TENT5A: variants seen among roughly 807,000 people sequenced by gnomAD.
TENT5A encodes HBV X-transactivated gene 11 protein.
A neutral mutation model predicts 30.2 loss-of-function variants in TENT5A; 9 were observed. That is an observed-to-expected ratio of 0.30 (90% CI 0.18 to 0.52). The LOEUF is 0.52. Among genes scored for constraint, TENT5A ranks in the 20% least tolerant of loss-of-function variants. The probability of loss-of-function intolerance (pLI) is 0.97; values close to 1 mark genes in which losing one functional copy is unlikely to be tolerated. For missense variants in TENT5A, 411 were observed against 566.1 expected (o/e 0.73, Z 2.78); for synonymous variants, 264 against 234.2 (o/e 1.13, Z -1.16).
Position 81,747,560 on chromosome 6 carries a change from A to G in TENT5A, c.*2135T>C, listed in dbSNP as rs1768911614. ...ATTAACCTGGATTAACCTAGCACTA[A>G]GCATCTGAGGATCCCTAGATAAACA... On this transcript the variant is annotated 3_prime_UTR_variant, in exon 3 of 3. Transcript: ENST00000320172. The G allele has an allele frequency of 3.0e-6, 3 of 985,688 alleles. No homozygotes were observed. The highest frequency in any genetic ancestry group is 1.1e-4 in the East Asian group (1 of 8,816). 61.1% of individuals were successfully genotyped at this position (985,688 alleles called of 1,614,324 possible).
At position 81,750,599 on chromosome 6, in the gene TENT5A, C is replaced by T; in HGVS notation, c.553-128G>A. The T allele has an allele frequency of 1.6e-6, 1 of 615,254 alleles. No individual in the cohort carries two copies. Among genetic ancestry groups the T allele is most frequent in the East Asian group, 2.9e-5 (1 of 33,980 alleles). The allele number at this position is 615,254 out of a possible 1,614,324, so 38.1% of individuals were successfully genotyped here. On this transcript the variant is annotated intron_variant, in intron 2 of 2. Transcript: ENST00000320172. This position sits in a 1 kb window ranked among gnomAD's most constrained non-coding sequence, Gnocchi z 4.2. ...TTTGTTTTGTCAAGTTTCAGCCAAA[C>T]ACTACCTACAGGCTTAAACGGTCTT...
rs937667178 is a variant in TENT5A at position 81,748,016 on chromosome 6, T to C, written c.*1679A>G. Reference sequence around the variant, plus strand: ...ACAACCAGATCAAAGATGTTTCATATTGACATGATTTATAAAATGTTATAT... The same window carrying C: ...ACAACCAGATCAAAGATGTTTCATACTGACATGATTTATAAAATGTTATAT... On this transcript the variant is annotated 3_prime_UTR_variant, in exon 3 of 3. Coordinates refer to ENST00000320172, the MANE Select transcript of TENT5A (RefSeq NM_017633.3). 2.7e-5 allele frequency: 26 copies of C among 976,718 alleles called. No homozygotes were observed. Among genetic ancestry groups the C allele is most frequent in the Middle Eastern group, 5.2e-4 (1 of 1,916 alleles). 60.5% of individuals were successfully genotyped at this position (976,718 alleles called of 1,614,324 possible).
chr6:81,749,522 C>T lies in TENT5A; in HGVS notation c.*173G>A. Reference sequence around the variant, plus strand: ...AAGGATCCTTTCGAGATCATGCTCCCACATCTATTAAAAGATACATAAGCT... The same window carrying T: ...AAGGATCCTTTCGAGATCATGCTCCTACATCTATTAAAAGATACATAAGCT... On this transcript the variant is annotated 3_prime_UTR_variant, in exon 3 of 3. Transcript: ENST00000320172. 2 of 1,365,388 alleles carry T rather than the reference C, an allele frequency of 1.5e-6. No individual in the cohort carries two copies. The highest frequency in any genetic ancestry group is 2.0e-5 in the South Asian group (1 of 50,800). The allele number at this position is 1,365,388 out of a possible 1,614,324, so 84.6% of individuals were successfully genotyped here. A position where few individuals can be genotyped will look rare whatever the true frequency, so the allele number is the denominator to read the frequency against.
In TENT5A at chr6:81,751,651, C is replaced by T. The variant is rs1769036871; in HGVS notation, c.491G>A (p.Cys164Tyr). Residue 164 changes from cysteine (C) to tyrosine (Y), a missense_variant, in exon 2 of 3, where the codon TGC becomes TAC. By Grantham distance (194) the Cys-to-Tyr change is radical. Coordinates refer to ENST00000320172, the MANE Select transcript of TENT5A (RefSeq NM_017633.3). ...FQTVKDVVLD[C>Y]LLDFLPEGVN... ...CCCCTCGGGTAAGAAGTCCAACAGG[C>T]AGTCCAGCACGACGTCCTTCACAGT... The T allele has an allele frequency of 6.2e-7, 1 of 1,614,098 alleles. No individual in the cohort carries two copies. Among genetic ancestry groups the T allele is most frequent in the Non-Finnish European group, 8.5e-7 (1 of 1,180,006 alleles).
At position 81,750,169 on chromosome 6, in the gene TENT5A, T is replaced by C; in HGVS notation, c.855A>G (p.Pro285=). The C allele has an allele frequency of 6.2e-7, 1 of 1,614,092 alleles. No homozygotes were observed. The highest frequency in any genetic ancestry group is 8.5e-7 in the Non-Finnish European group (1 of 1,179,982). ...GCAGGCCTCCCCCTCGGATTTCCTCTGGGTTCCTGGTGGCAATGATCTTGT... is the reference window on the plus strand; with the variant it reads ...GCAGGCCTCCCCCTCGGATTTCCTCCGGGTTCCTGGTGGCAATGATCTTGT... The part of the protein sequence containing the change: ...LCNKIIATRN[P]EEIRGGGLLK... Residue 285 remains proline (P), a synonymous_variant, in exon 3 of 3, where the codon CCA becomes CCG. Coordinates refer to ENST00000320172, the MANE Select transcript of TENT5A (RefSeq NM_017633.3). This position sits in a 1 kb window ranked among gnomAD's most constrained non-coding sequence, Gnocchi z 4.2.
rs1440763084 is a variant in TENT5A at position 81,747,665 on chromosome 6, A to T, written c.*2030T>A. 7 of 985,702 alleles carry T rather than the reference A, an allele frequency of 7.1e-6. No individual in the cohort carries two copies. The East Asian group carries it at 7.9e-4, about 112-fold the overall frequency. 61.1% of individuals were successfully genotyped at this position (985,702 alleles called of 1,614,324 possible). On this transcript the variant is annotated 3_prime_UTR_variant, in exon 3 of 3. Transcript: ENST00000320172. ...TTTAACTGATGATGAAAATCTTCTA[A>T]TTGGGTCTTCGAGGAATTATCATAG... is the stretch of plus-strand genomic sequence containing the variant.
chr6:81,751,315 A>C (rs533562423), intron 2 of TENT5A, among the ~76,000 whole-genome samples: 1 of 152,322 alleles, frequency 6.6e-6, no homozygotes, highest in South Asian at 2.1e-4. Context: ...AGGGAAAGCC[A>C]AGAGTTAAAA....
intron 1 of TENT5A, 40 bp downstream of exon 1, chr6:81,752,391 T>C (rs1390022446): frequency 1.1e-5 from 17 of 1,548,658 alleles, no homozygotes; most frequent in Non-Finnish European, 1.4e-5. Context: ...GTATCTCTGA[T>C]GCATCTGGAA....
Position 81,751,890 on chromosome 6 carries a change from A to T in TENT5A, c.252T>A (p.Ile84=). The T allele has an allele frequency of 6.2e-7, 1 of 1,613,262 alleles. No individual in the cohort carries two copies. Among genetic ancestry groups the T allele is most frequent in the Non-Finnish European group, 8.5e-7 (1 of 1,179,922 alleles). ...GCGTGGGGAAGTTGCCGCGCCCGTG[A>T]ATCGGAATGGTCTCGCTCAGGATGC... is the stretch of plus-strand genomic sequence containing the variant. ...LDGILSETIP[I]HGRGNFPTLE... Residue 84 remains isoleucine, a synonymous_variant, in exon 2 of 3, where the codon ATT becomes ATA. Coordinates refer to ENST00000320172, the MANE Select transcript of TENT5A (RefSeq NM_017633.3).
rs147316162 is a variant in TENT5A, at chr6:81,751,776, G to C, written c.366C>G (p.Gly122=). ...GGTGCAGGACATGGCTGGCTGCCGAGCCGTTGAGGCGCACGTCGCGGACGC... is the reference window on the plus strand; with the variant it reads ...GGTGCAGGACATGGCTGGCTGCCGACCCGTTGAGGCGCACGTCGCGGACGC... ...RIGVRDVRLN[G]SAASHVLHQD... The change falls in exon 2 of 3, where the codon GGC becomes GGG. Residue 122 remains glycine (G), a synonymous_variant. Transcript: ENST00000320172. 6.2e-7 allele frequency: 1 copy of C among 1,613,222 alleles called. No individual in the cohort carries two copies. Among genetic ancestry groups the C allele is most frequent in the Non-Finnish European group, 8.5e-7 (1 of 1,179,930 alleles).
In TENT5A at chr6:81,746,654, G is replaced by GAC; in HGVS notation, c.*3040_*3041insGT. 1 of 1,231,410 alleles carries GAC rather than the reference G, an allele frequency of 8.1e-7. No homozygotes were observed. The highest frequency in any genetic ancestry group is 3.2e-5 in the East Asian group (1 of 31,686). The allele number at this position is 1,231,410 out of a possible 1,614,324, so 76.3% of individuals were successfully genotyped here. A position where few individuals can be genotyped will look rare whatever the true frequency, so the allele number is the denominator to read the frequency against. On this transcript the variant is annotated 3_prime_UTR_variant, in exon 3 of 3. Coordinates refer to ENST00000320172, the MANE Select transcript of TENT5A (RefSeq NM_017633.3). ...ACATGCCAGGCTGGACAGGTGAGAA[G>GAC]AGCCTCCAAAAGACAAAACTTCTTC...
At position 81,752,178 on chromosome 6, in the gene TENT5A, C is replaced by T. The variant is rs1484018417; in HGVS notation, c.-37G>A. ...CGAGCGCCACTTGGCCCTGGTCAGTCCTAAAAAGAAAGGGAAAGGAGCGCG... is the reference window on the plus strand; with the variant it reads ...CGAGCGCCACTTGGCCCTGGTCAGTTCTAAAAAGAAAGGGAAAGGAGCGCG... On this transcript the variant is annotated splice_region_variant and 5_prime_UTR_variant, in exon 2 of 3. Coordinates refer to ENST00000320172, the MANE Select transcript of TENT5A (RefSeq NM_017633.3). The T allele has an allele frequency of 6.7e-7, 1 of 1,501,476 alleles. No individual in the cohort carries two copies. Among genetic ancestry groups the T allele is most frequent in the South Asian group, 1.3e-5 (1 of 76,066 alleles). 93.0% of individuals were successfully genotyped at this position (1,501,476 alleles called of 1,614,324 possible).
At position 81,749,174 on chromosome 6, in the gene TENT5A, C is replaced by T; in HGVS notation, c.*521G>A. On this transcript the variant is annotated 3_prime_UTR_variant, in exon 3 of 3. Coordinates refer to ENST00000320172, the MANE Select transcript of TENT5A (RefSeq NM_017633.3). ...AAGATCATTCCACAGAAAGCACTTGCTACAAGCCTCAGACAGTAATCCCAA... is the reference window on the plus strand; with the variant it reads ...AAGATCATTCCACAGAAAGCACTTGTTACAAGCCTCAGACAGTAATCCCAA... 1.0e-6 allele frequency: 1 copy of T among 986,028 alleles called. No individual in the cohort carries two copies. Among genetic ancestry groups the T allele is most frequent in the South Asian group, 4.7e-5 (1 of 21,288 alleles). The allele number at this position is 986,028 out of a possible 1,614,324, so 61.1% of individuals were successfully genotyped here.
rs145742153 is a variant in TENT5A at position 81,751,092 on chromosome 6, C to A, written c.552+498G>T. Among the ~76,000 whole-genome samples the A allele has an allele frequency of 3.1e-3, 472 of 152,314 alleles. 1 individual carries two copies. Among genetic ancestry groups the A allele is most frequent in the Non-Finnish European group, 5.7e-3 (387 of 68,034 alleles). On this transcript the variant is annotated intron_variant, in intron 2 of 2. Transcript: ENST00000320172. Reference sequence around the variant, plus strand: ...TATACCCTTAACATATGAACCAGCACGAAGAACCACCAGATAGACCTTTAA... The same window carrying A: ...TATACCCTTAACATATGAACCAGCAAGAAGAACCACCAGATAGACCTTTAA...
rs1768967161 is a variant in TENT5A at position 81,748,938 on chromosome 6, C to G, written c.*757G>C. 1.0e-6 allele frequency: 1 copy of G among 984,678 alleles called. No individual in the cohort carries two copies. Among genetic ancestry groups the G allele is most frequent in the South Asian group, 4.7e-5 (1 of 21,280 alleles). The allele number at this position is 984,678 out of a possible 1,614,324, so 61.0% of individuals were successfully genotyped here. ...CTTCATATAGTCTACTATATCTCTT[C>G]TAATTGGGTATTTTTATCTGTTAAA... is the stretch of plus-strand genomic sequence containing the variant. On this transcript the variant is annotated 3_prime_UTR_variant, in exon 3 of 3. Transcript: ENST00000320172.
Position 81,750,417 on chromosome 6 carries a change from G to A in TENT5A, c.607C>T (p.Leu203Phe). ...KVCNDSDRWS[L>F]ISLSNNSGKN... Reference sequence around the variant, plus strand: ...CCACTGTTGTTTGACAGGGATATAAGACTCCATCGGTCAGAGTCATTGCAC... The same window carrying A: ...CCACTGTTGTTTGACAGGGATATAAAACTCCATCGGTCAGAGTCATTGCAC... Residue 203 changes from leucine (L) to phenylalanine (F), a missense_variant, in exon 3 of 3, where the codon CTT becomes TTT. By Grantham distance (22) the Leu-to-Phe change is conservative (BLOSUM62 0). Around this residue, in one of 5 missense-constraint regions of TENT5A, gnomAD observed 135 missense variants for 240.0 expected, o/e 0.56. Coordinates refer to ENST00000320172, the MANE Select transcript of TENT5A (RefSeq NM_017633.3). This position sits in a 1 kb window ranked among gnomAD's most constrained non-coding sequence, Gnocchi z 4.2. 1 of 1,606,500 alleles carries A rather than the reference G, an allele frequency of 6.2e-7. No individual in the cohort carries two copies. The highest frequency in any genetic ancestry group is 1.1e-5 in the South Asian group (1 of 89,410).
rs1247925404 is a variant in TENT5A at position 81,746,118 on chromosome 6, T to G, written c.*3577A>C. 2 of 979,586 alleles carry G rather than the reference T, an allele frequency of 2.0e-6. No homozygotes were observed. The highest frequency in any genetic ancestry group is 2.4e-6 in the Non-Finnish European group (2 of 823,530). 60.7% of individuals were successfully genotyped at this position (979,586 alleles called of 1,614,324 possible). The stretch of plus-strand genomic sequence containing the variant: ...AACAAAATATAACATAGAGATTCTT[T>G]CTTAGCACTGAAAATGCTATGCTAA... On this transcript the variant is annotated 3_prime_UTR_variant, in exon 3 of 3. Coordinates refer to ENST00000320172, the MANE Select transcript of TENT5A (RefSeq NM_017633.3).
In TENT5A at chr6:81,748,645, G is replaced by A. The variant is rs959249229; in HGVS notation, c.*1050C>T. 3 of 872,790 alleles carry A rather than the reference G, an allele frequency of 3.4e-6. No homozygotes were observed. Among genetic ancestry groups the A allele is most frequent in the African/African-American group, 1.8e-5 (1 of 54,940 alleles). 54.1% of individuals were successfully genotyped at this position (872,790 alleles called of 1,614,324 possible). On this transcript the variant is annotated 3_prime_UTR_variant, in exon 3 of 3. Transcript: ENST00000320172. The stretch of plus-strand genomic sequence containing the variant: ...TACATATAAAATGTATATATAAAAT[G>A]TATATATACACACACACATATAATT...
chr6:81,749,617 CTTTTT>C lies in TENT5A; in HGVS notation c.*73_*77del. The C allele has an allele frequency of 4.4e-6, 6 of 1,370,996 alleles. No homozygotes were observed. In the South Asian group the frequency reaches 4.7e-5, roughly 11 times the overall value. The allele number at this position is 1,370,996 out of a possible 1,614,324, so 84.9% of individuals were successfully genotyped here. A position where few individuals can be genotyped will look rare whatever the true frequency, so the allele number is the denominator to read the frequency against. The stretch of plus-strand genomic sequence containing the variant: ...CATCCCTAATAAGGGCTGGATCACT[CTTTTT>C]TTTTTCTTTTTTTTTTTTTTCTCTC... On this transcript the variant is annotated 3_prime_UTR_variant, in exon 3 of 3. Transcript: ENST00000320172.
Sources: allele counts gnomAD v4.1 joint callset (sites outside exome capture counted in the v4.1 genomes callset), GRCh38; gene constraint gnomAD v4.1.1; regional missense constraint gnomAD v4.1.1; non-coding constraint Gnocchi (gnomAD v3.1); transcripts MANE v1.5; gene names NCBI Gene and HGNC (gene_info 2026-07-23, HGNC 2026-07-21).